ALMS1: variants seen among roughly 807,000 people sequenced by gnomAD.
ALMS1 encodes the protein centrosome-associated protein ALMS1.
Under a neutral mutation model 352.2 loss-of-function variants are expected in ALMS1, and 271 were observed. That is an observed-to-expected ratio of 0.77 (90% CI 0.70 to 0.85). The LOEUF (loss-of-function observed/expected upper bound fraction) is 0.85, where lower values mean the gene tolerates loss of function less well. Among genes scored for constraint, ALMS1 ranks in the 40% least tolerant of loss-of-function variants. ALMS1 has a pLI of 0.00. For missense variants in ALMS1, 5,445 were observed against 4,870.7 expected (o/e 1.12, Z -3.51); for synonymous variants, 1,865 against 1,761.2 (o/e 1.06, Z -1.48).
intron 9 of ALMS1, among the ~76,000 whole-genome samples, chr2:73,474,443 A>C (rs551256843): frequency 4.1e-5 from 6 of 148,040 alleles, no homozygotes; most frequent in Non-Finnish European, 5.9e-5. Context: ...AGAACTACTT[A>C]TTTCTTTTTT....
At chr2:73,509,551 G>C (rs1159911965) in intron 10 of ALMS1, among the ~76,000 whole-genome samples, 1 of 152,130 alleles carries the variant, frequency 6.6e-6, no homozygotes, top group Non-Finnish European at 1.5e-5. Flanking sequence ...ATTCTGGGTT[G>C]AAAATTCTTT....
At chr2:73,591,330 G>C (rs1393335603) in intron 16 of ALMS1, among the ~76,000 whole-genome samples, 11 of 152,026 alleles carry the variant, frequency 7.2e-5, no homozygotes, top group Non-Finnish European at 2.9e-5. Flanking sequence ...ATTTATTTTT[G>C]TGTGTATAGG....
At position 73,454,810 on chromosome 2, in the gene ALMS1, T is replaced by A. The variant is rs200628841; in HGVS notation, c.7541-352T>A. ...TACAAAAAAACCTCCAAGTTGTATT[T>A]ATTACTTTTAAATATCAGCTGTCAT... On this transcript the variant is annotated intron_variant, in intron 8 of 22. Coordinates refer to ENST00000613296, the MANE Select transcript of ALMS1 (RefSeq NM_001378454.1). Among the ~76,000 whole-genome samples the A allele has an allele frequency of 5.3e-5, 8 of 152,216 alleles. No individual in the cohort carries two copies. In the East Asian group the frequency reaches 9.6e-4, roughly 18 times the overall value.
chr2:73,573,450 C>A, intron 16 of ALMS1, 26 bp downstream of exon 16: 1 of 1,611,108 alleles, frequency 6.2e-7, no homozygotes, highest in African/African-American at 1.3e-5. Context: ...TTCCATCTGG[C>A]AATGTGACTG....
intron 9 of ALMS1, among the ~76,000 whole-genome samples, chr2:73,486,410 G>C (rs1417527757): frequency 6.6e-6 from 1 of 152,152 alleles, no homozygotes; most frequent in Non-Finnish European, 1.5e-5. Context: ...GTTGGTGTGA[G>C]TGGGTCTAGT....
intron 16 of ALMS1, among the ~76,000 whole-genome samples, chr2:73,590,653 G>GT (rs999131636): frequency 1.8e-5 from 2 of 108,298 alleles, no homozygotes; most frequent in African/African-American, 6.6e-5. Flanking sequence ...TGTAGTTGCT[G>GT]TTTTTTTAAA....
intron 15 of ALMS1, among the ~76,000 whole-genome samples, chr2:73,561,378 C>A (rs1270917311): frequency 6.6e-6 from 1 of 152,234 alleles, no homozygotes; most frequent in Non-Finnish European, 1.5e-5. Context: ...GAGCACATTA[C>A]ATAATATTAT....
At chr2:73,567,664 A>G (rs1481728899) in intron 15 of ALMS1, among the ~76,000 whole-genome samples, 1 of 152,190 alleles carries the variant, frequency 6.6e-6, no homozygotes, top group Non-Finnish European at 1.5e-5. Context: ...TCAACAAATA[A>G]TGCCAAGATG....
chr2:73,466,842 A>T (rs1170461008), intron 9 of ALMS1, among the ~76,000 whole-genome samples: 1 of 152,134 alleles, frequency 6.6e-6, no homozygotes, highest in African/African-American at 2.4e-5. Context: ...CTTAAAATAT[A>T]TGACAACAAT....
At chr2:73,469,418 TA>T (rs1470468216) in intron 9 of ALMS1, 1 of 151,888 alleles carries the variant, frequency 6.6e-6, no homozygotes, top group Admixed American at 6.6e-5. Context: ...TACAATGTGG[TA>T]AATGAAAAGG....
chr2:73,559,158 T>C lies in ALMS1; in HGVS notation c.10384+16T>C. 6.2e-7 allele frequency: 1 copy of C among 1,608,866 alleles called. No individual in the cohort carries two copies. Among genetic ancestry groups the C allele is most frequent in the Non-Finnish European group, 8.5e-7 (1 of 1,177,080 alleles). On this transcript the variant is annotated intron_variant, in intron 15 of 22. Transcript: ENST00000613296. The stretch of plus-strand genomic sequence containing the variant: ...AATATTGAAGGTAATGGGATTGGGT[T>C]GTGTATGAGTGTGTGTGTCTTTGTG...
chr2:73,586,997 G>GT (rs879888816), intron 16 of ALMS1, among the ~76,000 whole-genome samples: 3,623 of 143,482 alleles, frequency 0.025, 128 homozygotes, highest in Admixed American at 0.093. Flanking sequence ...AAGGTTTTGT[G>GT]TTTTTTTTTG....
chr2:73,542,326 T>G (rs990607402), intron 12 of ALMS1, among the ~76,000 whole-genome samples: 1 of 152,182 alleles, frequency 6.6e-6, no homozygotes, highest in Admixed American at 6.5e-5. Flanking sequence ...CAACCCTTCA[T>G]GCTAAAAACT....
rs1414087888 is a variant in ALMS1, at chr2:73,419,137, G to A, written c.465G>A (p.Trp155Ter). The change falls in exon 3 of 23, where the codon TGG (tryptophan) becomes TGA (stop). Residue 155 changes from tryptophan (W) to a stop codon, truncating the protein, a stop_gained. Coordinates refer to ENST00000613296, the MANE Select transcript of ALMS1 (RefSeq NM_001378454.1). LOFTEE classifies it high-confidence loss of function. ...CATTTTTCTAGAAAACAGAATCTTG[G>A]CATTGTCTTCCTCAAGAAATGGACT... ...GSGDDQKTES[W>*]HCLPQEMDSS... 6.2e-7 allele frequency: 1 copy of A among 1,613,564 alleles called. No individual in the cohort carries two copies. Among genetic ancestry groups the A allele is most frequent in the East Asian group, 2.2e-5 (1 of 44,872 alleles).
At chr2:73,584,216 C>G (rs62149780) in intron 16 of ALMS1, among the ~76,000 whole-genome samples, 7,243 of 152,204 alleles carry the variant, frequency 0.048, 245 homozygotes, top group Admixed American at 0.1. Flanking sequence ...CCCCAACTAA[C>G]CAATAGTGGT....
Position 73,452,396 on chromosome 2 carries a change from G to C in ALMS1, c.5869G>C (p.Asp1957His). ...PSVISQQELP[D>H]SHLTEEALKV... ...TGTTATCTCTCAACAGGAGTTGCCA[G>C]ACAGTCATCTCACAGAAGAGGCTCT... The change falls in exon 8 of 23, where the codon GAC becomes CAC. Residue 1957 changes from aspartate (D) to histidine (H), a missense_variant. Asp to His is a moderately conservative substitution (Grantham distance 81). Transcript: ENST00000613296. The C allele has an allele frequency of 6.2e-7, 1 of 1,614,042 alleles. No homozygotes were observed. Among genetic ancestry groups the C allele is most frequent in the East Asian group, 2.2e-5 (1 of 44,866 alleles).
rs563142960 is a variant in ALMS1 at position 73,583,450 on chromosome 2, G to A, written c.11547+10026G>A. ...AATATTTTCTCCCATTCAATAGGTTGTCTTTCACTCTGTTGATTGTGTCCC... is the reference window on the plus strand; with the variant it reads ...AATATTTTCTCCCATTCAATAGGTTATCTTTCACTCTGTTGATTGTGTCCC... On this transcript the variant is annotated intron_variant, in intron 16 of 22. Coordinates refer to ENST00000613296, the MANE Select transcript of ALMS1 (RefSeq NM_001378454.1). Among the ~76,000 whole-genome samples, 10 of 152,182 alleles carry A rather than the reference G, an allele frequency of 6.6e-5. No individual in the cohort carries two copies. The South Asian group carries it at 1.0e-3, about 16-fold the overall frequency.
intron 12 of ALMS1, among the ~76,000 whole-genome samples, chr2:73,539,531 C>G (rs1674115635): frequency 1.3e-5 from 2 of 152,192 alleles, no homozygotes. Context: ...TGGAGAATGA[C>G]TTTGACGAGT....
At chr2:73,562,888 A>C (rs192693171) in intron 15 of ALMS1, among the ~76,000 whole-genome samples, 10 of 151,246 alleles carry the variant, frequency 6.6e-5, no homozygotes, top group African/African-American at 2.4e-4. Context: ...ACTCCATCTC[A>C]AAAAAAAAGA....
Sources: allele counts gnomAD v4.1 joint callset (sites outside exome capture counted in the v4.1 genomes callset), GRCh38; gene constraint gnomAD v4.1.1; transcripts MANE v1.5; gene names NCBI Gene and HGNC (gene_info 2026-07-23, HGNC 2026-07-21).